PTPRD: variants seen among roughly 807,000 people sequenced by gnomAD.
PTPRD encodes receptor-type tyrosine-protein phosphatase delta.
PTPRD carries 34 observed loss-of-function variants against 214.5 expected under a neutral mutation model. The ratio of observed to expected loss-of-function variants is 0.16; its 90% CI spans 0.12 to 0.21. PTPRD has a LOEUF of 0.21. Ranked by LOEUF, PTPRD falls within the 10% of genes least tolerant of loss-of-function variation. PTPRD has a pLI of 1.00. For missense variants in PTPRD, 2,545 were observed against 2,398.7 expected (o/e 1.06, Z -1.27); for synonymous variants, 1,128 against 845.7 (o/e 1.33, Z -5.79).
intron 3 of PTPRD, among the ~76,000 whole-genome samples, chr9:10,135,135 G>A (rs2098932709): frequency 1.3e-5 from 2 of 152,150 alleles, no homozygotes; most frequent in Admixed American, 6.5e-5. Context: ...CTCAGATCTT[G>A]AAGATAAGTC....
At chr9:10,271,958 T>G (rs541545558) in intron 3 of PTPRD, among the ~76,000 whole-genome samples, 1 of 152,312 alleles carries the variant, frequency 6.6e-6, no homozygotes, top group African/African-American at 2.4e-5. Flanking sequence ...AACAACTTCA[T>G]GAAGATGAAA....
chr9:9,363,840 A>G (rs1167248232), intron 9 of PTPRD, among the ~76,000 whole-genome samples: 3 of 151,424 alleles, frequency 2.0e-5, no homozygotes, highest in Non-Finnish European at 3.0e-5. Flanking sequence ...CAGCGACAGT[A>G]AATAACTTTT....
chr9:10,325,330 G>A (rs999467087), intron 3 of PTPRD, among the ~76,000 whole-genome samples: 2 of 152,032 alleles, frequency 1.3e-5, no homozygotes, highest in South Asian at 2.1e-4. Context: ...ACGTTTTAAT[G>A]TTCTACTGAG....
intron 3 of PTPRD, among the ~76,000 whole-genome samples, chr9:10,192,753 C>A (rs2099374116): frequency 6.6e-6 from 1 of 152,088 alleles, no homozygotes; most frequent in Non-Finnish European, 1.5e-5. Context: ...GAGAGATAAC[C>A]ACTTTCTATG....
chr9:8,737,556 T>C (rs116505558), intron 11 of PTPRD, among the ~76,000 whole-genome samples: 340 of 151,982 alleles, frequency 2.2e-3, no homozygotes, highest in African/African-American at 7.8e-3. Context: ...TTCAGTGATA[T>C]TAAAAGTACC....
In PTPRD at chr9:10,366,314, A is replaced by T. The variant is rs189727374; in HGVS notation, c.-599-25297T>A. ...TGTACATTCACATAAACTGCTATGT[A>T]TACAGAATACGGAAGGCTCATAAAG... On this transcript the variant is annotated intron_variant, in intron 2 of 45. Transcript: ENST00000381196. Among the ~76,000 whole-genome samples, 35 of 152,336 alleles carry T rather than the reference A, an allele frequency of 2.3e-4. No homozygotes were observed. The East Asian group carries it at 6.6e-3, about 29-fold the overall frequency.
chr9:9,889,828 T>C (rs542196281), intron 5 of PTPRD, among the ~76,000 whole-genome samples: 7 of 151,764 alleles, frequency 4.6e-5, no homozygotes, highest in Admixed American at 2.6e-4. Flanking sequence ...TGTGTGTGTG[T>C]CTGTGTGTGG....
chr9:9,673,534 A>T (rs2096870454), intron 7 of PTPRD, among the ~76,000 whole-genome samples: 1 of 151,844 alleles, frequency 6.6e-6, no homozygotes, highest in Non-Finnish European at 1.5e-5. Flanking sequence ...ATATTTCTGA[A>T]GAAATTACCC....
intron 12 of PTPRD, among the ~76,000 whole-genome samples, chr9:8,727,320 T>C (rs1280840584): frequency 1.3e-5 from 2 of 152,258 alleles, no homozygotes; most frequent in African/African-American, 4.8e-5. Context: ...GCTACAGCTC[T>C]GCTGGGAGCA....
chr9:10,308,025 C>T (rs1370932387), intron 3 of PTPRD, among the ~76,000 whole-genome samples: 1 of 151,868 alleles, frequency 6.6e-6, no homozygotes, highest in East Asian at 1.9e-4. Context: ...TGTCTCTTCA[C>T]TTTCTTGATT....
At chr9:10,151,061 T>A (rs978007834) in intron 3 of PTPRD, among the ~76,000 whole-genome samples, 20 of 124,958 alleles carry the variant, frequency 1.6e-4, no homozygotes, top group African/African-American at 7.2e-4. Context: ...TTTGTTAACT[T>A]TTTTTTTTTT....
intron 3 of PTPRD, among the ~76,000 whole-genome samples, chr9:10,043,659 G>A (rs567494470): frequency 5.2e-4 from 79 of 151,794 alleles, no homozygotes; most frequent in South Asian, 1.7e-3. Flanking sequence ...GTGAGATGAT[G>A]GTTCACACCT....
intron 3 of PTPRD, among the ~76,000 whole-genome samples, chr9:10,178,514 G>C (rs1224778457): frequency 6.6e-6 from 1 of 151,806 alleles, no homozygotes; most frequent in African/African-American, 2.4e-5. Context: ...AGAGAAAACT[G>C]GATATGAAAA....
At chr9:9,131,263 G>T (rs1048365062) in intron 10 of PTPRD, among the ~76,000 whole-genome samples, 1 of 152,094 alleles carries the variant, frequency 6.6e-6, no homozygotes, top group African/African-American at 2.4e-5. Flanking sequence ...TTTTCTTTCA[G>T]ATTTTAGTAT....
At chr9:9,412,635 C>A (rs1490155164) in intron 8 of PTPRD, among the ~76,000 whole-genome samples, 1 of 152,172 alleles carries the variant, frequency 6.6e-6, no homozygotes, top group Non-Finnish European at 1.5e-5. Context: ...CTCCAACTTT[C>A]ATCCCAAATT....
chr9:8,632,164 T>TGTG (rs2096275113), intron 14 of PTPRD, among the ~76,000 whole-genome samples: 4 of 151,376 alleles, frequency 2.6e-5, no homozygotes, highest in Non-Finnish European at 3.0e-5. Context: ...TGTGTGTGTG[T>TGTG]TTAGTTTCAA....
At chr9:9,318,186 A>T (rs2135842540) in intron 9 of PTPRD, among the ~76,000 whole-genome samples, 1 of 151,758 alleles carries the variant, frequency 6.6e-6, no homozygotes, top group East Asian at 1.9e-4. Context: ...AAGAAACAAA[A>T]AACAAAACAA....
intron 11 of PTPRD, among the ~76,000 whole-genome samples, chr9:8,847,578 G>C (rs1280298590): frequency 6.6e-6 from 1 of 152,122 alleles, no homozygotes; most frequent in Non-Finnish European, 1.5e-5. Context: ...TTTATTTTAT[G>C]TATCATGTCT....
At chr9:8,520,708 G>C (rs1310554581) in intron 20 of PTPRD, among the ~76,000 whole-genome samples, 3 of 151,950 alleles carry the variant, frequency 2.0e-5, no homozygotes, top group Admixed American at 2.0e-4. Flanking sequence ...GTTTTTTAAA[G>C]GAAAGAATAT....
Sources: allele counts gnomAD v4.1 joint callset (sites outside exome capture counted in the v4.1 genomes callset), GRCh38; gene constraint gnomAD v4.1.1; transcripts MANE v1.5; gene names NCBI Gene and HGNC (gene_info 2026-07-23, HGNC 2026-07-21).